The following NOD1 variants were observed in gnomAD, a reference collection of about 807,000 sequenced individuals.
NOD1 encodes nucleotide binding oligomerization domain containing 1.
NOD1 carries 70 observed loss-of-function variants against 81.2 expected under a neutral mutation model. The ratio of observed to expected loss-of-function variants is 0.86; its 90% confidence interval spans 0.71 to 1.05. The LOEUF (loss-of-function observed/expected upper bound fraction) is 1.05, where lower values mean the gene tolerates loss of function less well. Among genes scored for constraint, NOD1 ranks in the 50% least tolerant of loss-of-function variants. The pLI is 0.00. For missense variants in NOD1, 1,233 were observed against 1,228.0 expected, an observed-to-expected ratio of 1.00 and a Z score of -0.06; for synonymous variants, 508 against 526.9, an observed-to-expected ratio of 0.96 and a Z score of 0.49.
intron 1 of NOD1, among the ~76,000 whole-genome samples, chr7:30,461,743 T>C (rs1174674491): frequency 1.3e-5 from 2 of 151,988 alleles, no homozygotes; most frequent in Non-Finnish European, 2.9e-5. Context: ...TTTGTTGTTG[T>C]TGTTGTTGTT....
intron 1 of NOD1, among the ~76,000 whole-genome samples, chr7:30,463,059 T>G (rs1026487356): frequency 6.6e-6 from 1 of 151,980 alleles, no homozygotes; most frequent in African/African-American, 2.4e-5. Flanking sequence ...AGAAATTGAC[T>G]GCAAAGAGGA....
At chr7:30,461,217 G>A (rs1464552609) in intron 1 of NOD1, among the ~76,000 whole-genome samples, 3 of 151,870 alleles carry the variant, frequency 2.0e-5, no homozygotes, top group South Asian at 2.1e-4. Flanking sequence ...TCACTCTGTC[G>A]CCCAGGCTGG....
At chr7:30,446,696 A>G in intron 8 of NOD1, 1 of 447,482 alleles carries the variant, frequency 2.2e-6, no homozygotes, top group Non-Finnish European at 4.0e-6. Context: ...TGGGGCAAAA[A>G]GACCACCAGA....
In NOD1 at chr7:30,452,689, T is replaced by C. The variant is rs1785904647; in HGVS notation, c.728A>G (p.Lys243Arg). The C allele has an allele frequency of 1.2e-6, 2 of 1,613,908 alleles. No individual in the cohort carries two copies. Among genetic ancestry groups the C allele is most frequent in the Non-Finnish European group, 1.7e-6 (2 of 1,180,048 alleles). The change falls in exon 6 of 14, where the codon AAG becomes AGG. Residue 243 changes from lysine (K) to arginine (R), a missense_variant. Lys to Arg is a conservative substitution (Grantham distance 26, BLOSUM62 2). Transcript: ENST00000222823. ...CTGCAGACACAGCCTGTCACTTTCC[T>C]TGAAGCAGCTGAACATGCGGCAGCG... ...HFRCRMFSCF[K>R]ESDRLCLQDL... is the part of the protein sequence containing the mutation.
chr7:30,467,698 T>TTTTG lies in NOD1; in HGVS notation c.-351-7661_-351-7658dup, dbSNP rs918555067. Among the ~76,000 whole-genome samples the TTTTG allele has an allele frequency of 1.3e-5, 2 of 152,046 alleles. No individual in the cohort carries two copies. Among genetic ancestry groups the TTTTG allele is most frequent in the East Asian group, 1.9e-4 (1 of 5,188 alleles). On this transcript the variant is annotated intron_variant, in intron 1 of 13. Transcript: ENST00000222823. This position sits in a 1 kb window ranked among gnomAD's most constrained non-coding sequence, Gnocchi z 4.5. ...CAGTTTTTTTTGTTGTTGTTGTTAT[T>TTTTG]TTTGTTTGTTTGTTTGTTTTGAGAC...
intron 11 of NOD1, among the ~76,000 whole-genome samples, chr7:30,434,811 ACT>A (rs558394499): frequency 2.0e-5 from 3 of 152,294 alleles, no homozygotes; most frequent in African/African-American, 7.2e-5. Flanking sequence ...TAATGTCAAA[ACT>A]CTCTCATGAA....
intron 12 of NOD1, among the ~76,000 whole-genome samples, 197 bp from the exon 13 acceptor site, chr7:30,429,654 T>C (rs17159043): frequency 0.15 from 22,581 of 152,232 alleles, 1,776 homozygotes; most frequent in African/African-American, 0.19. Context: ...ATTTTTTAAA[T>C]TTTCTGTTTG....
At chr7:30,439,515 G>T (rs1379546582) in intron 9 of NOD1, among the ~76,000 whole-genome samples, 6 of 124,586 alleles carry the variant, frequency 4.8e-5, no homozygotes, top group African/African-American at 1.9e-4. Flanking sequence ...GGAAAATCGG[G>T]TCACTCCCAC....
chr7:30,464,586 A>G (rs531434767), intron 1 of NOD1, among the ~76,000 whole-genome samples: 1 of 152,354 alleles, frequency 6.6e-6, no homozygotes, highest in South Asian at 2.1e-4. Context: ...TGGGATCTCT[A>G]GAGACAGCAG....
chr7:30,461,973 C>T (rs1158919149), intron 1 of NOD1, among the ~76,000 whole-genome samples: 3 of 151,790 alleles, frequency 2.0e-5, no homozygotes, highest in Admixed American at 6.6e-5. Context: ...CTCCTGACCT[C>T]GTGATCCACC....
chr7:30,428,299 G>C (rs912770788), intron 13 of NOD1, among the ~76,000 whole-genome samples: 6 of 152,088 alleles, frequency 3.9e-5, no homozygotes, highest in African/African-American at 1.2e-4. Flanking sequence ...GTGCTCAAGA[G>C]ATCTGCCCAT....
chr7:30,455,282 G>A lies in NOD1; in HGVS notation c.231C>T (p.Ser77=). The A allele has an allele frequency of 6.2e-7, 1 of 1,614,096 alleles. No individual in the cohort carries two copies. Among genetic ancestry groups the A allele is most frequent in the Non-Finnish European group, 8.5e-7 (1 of 1,180,004 alleles). ...KVRKILDLVQ[S]KGEEVSEFFL... ...AGAACTCGGACACCTCCTCGCCCTT[G>A]CTCTGTACCAGGTCCAGAATTTTGC... Residue 77 remains serine (S), a synonymous_variant, in exon 5 of 14, where the codon AGC becomes AGT. Transcript: ENST00000222823.
At position 30,456,758 on chromosome 7, in the gene NOD1, GCATCTT is replaced by G. The variant is rs1786419719; in HGVS notation, c.158_163del (p.Glu53_Asp54del). On this transcript the variant is annotated inframe_deletion, in exon 4 of 14. Transcript: ENST00000222823. ...GGTGGGGCAGGCACACACAATCTCC[GCATCTT>G]CGGCCGAGAAGTAGTCATTCTTCAG... 2 of 1,614,120 alleles carry G rather than the reference GCATCTT, an allele frequency of 1.2e-6. No individual in the cohort carries two copies. The highest frequency in any genetic ancestry group is 1.7e-6 in the Non-Finnish European group (2 of 1,180,032).
chr7:30,448,189 A>C (rs1785310665), intron 7 of NOD1, 109 bp downstream of exon 7: 1 of 916,610 alleles, frequency 1.1e-6, no homozygotes. Context: ...CGCTCTTCCC[A>C]GCCCTGGGCC....
chr7:30,445,934 C>CAA (rs1173960842), intron 9 of NOD1, among the ~76,000 whole-genome samples: 1 of 151,876 alleles, frequency 6.6e-6, no homozygotes, highest in Non-Finnish European at 1.5e-5. Flanking sequence ...AGGGTGGCTG[C>CAA]AAGAGGCAGG....
intron 9 of NOD1, among the ~76,000 whole-genome samples, chr7:30,438,061 G>GCATCCGTT (rs1784538483): frequency 6.6e-6 from 1 of 152,232 alleles, no homozygotes; most frequent in East Asian, 1.9e-4. Flanking sequence ...TGGGTTCCCA[G>GCATCCGTT]CATCCGTTCA....
At chr7:30,469,078 T>C (rs1583873599) in intron 1 of NOD1, 17 of 985,442 alleles carry the variant, frequency 1.7e-5, no homozygotes, top group Non-Finnish European at 1.9e-5. Flanking sequence ...GTGTCCTACT[T>C]TTCCTGCTGC....
At chr7:30,431,803 A>C (rs1451214026) in intron 12 of NOD1, among the ~76,000 whole-genome samples, 1 of 152,204 alleles carries the variant, frequency 6.6e-6, no homozygotes, top group Non-Finnish European at 1.5e-5. Context: ...ATTGGACTTC[A>C]TCAAAATTAA....
In NOD1 at chr7:30,429,196, C is replaced by T. The variant is rs371322850; in HGVS notation, c.2789+178G>A. ...TAGCTTCTCTCGTAGTGACCTTGGGCAACCTTATTTCACTGGTCTGGGCCT... is the reference window on the plus strand; with the variant it reads ...TAGCTTCTCTCGTAGTGACCTTGGGTAACCTTATTTCACTGGTCTGGGCCT... On this transcript the variant is annotated intron_variant, in intron 13 of 13. Transcript: ENST00000222823. Among the ~76,000 whole-genome samples, 13 of 152,244 alleles carry T rather than the reference C, an allele frequency of 8.5e-5. 1 individual carries two copies. The highest frequency in any genetic ancestry group is 6.2e-4 in the South Asian group (3 of 4,834).
Sources: gnomAD v4.1 joint callset for allele counts (sites outside exome capture counted in the v4.1 genomes callset) on GRCh38, gnomAD v4.1.1 for gene constraint, Gnocchi (gnomAD v3.1) non-coding constraint, MANE v1.5 for transcripts, NCBI Gene and HGNC (gene_info 2026-07-23, HGNC 2026-07-21) for gene names.